Variants in ROBO1 observed in about 807,000 individuals in gnomAD.
The protein encoded by ROBO1 is roundabout guidance receptor 1.
A neutral mutation model predicts 195.9 loss-of-function variants in ROBO1; 149 were observed. That is an observed-to-expected ratio of 0.76 (90% confidence interval 0.67 to 0.87). The LOEUF is 0.87. ROBO1 is among the 40% of genes least tolerant of loss of function. ROBO1 has a pLI of 0.00. For synonymous variants in ROBO1, 816 were observed against 733.2 expected, an observed-to-expected ratio of 1.11 and a Z score of -1.82; for missense variants, 1,933 against 2,068.3, an observed-to-expected ratio of 0.93 and a Z score of 1.27.
chr3:79,008,134 T>G (rs1315324157), intron 3 of ROBO1, among the ~76,000 whole-genome samples: 1 of 152,188 alleles, frequency 6.6e-6, no homozygotes, highest in South Asian at 2.1e-4. Flanking sequence ...TTAAATCCCC[T>G]GACCCACCAG....
intron 4 of ROBO1, among the ~76,000 whole-genome samples, chr3:78,820,897 T>C (rs2030837397): frequency 6.6e-6 from 1 of 152,172 alleles, no homozygotes; most frequent in Non-Finnish European, 1.5e-5. Flanking sequence ...AAAAATTCCC[T>C]CTCTGACACA....
chr3:79,733,772 G>A (rs7627096), intron 1 of ROBO1, among the ~76,000 whole-genome samples: 83,321 of 151,884 alleles, frequency 0.55, 23,237 homozygotes, highest in South Asian at 0.69. Flanking sequence ...CACTGCTTTG[G>A]GTTGTCTGTT....
chr3:78,757,433 G>GCACA (rs34283910), intron 4 of ROBO1, among the ~76,000 whole-genome samples: 3,451 of 149,782 alleles, frequency 0.023, 93 homozygotes, highest in African/African-American at 0.062. Context: ...ATGCGCACAT[G>GCACA]CACACACACA....
chr3:79,652,546 C>G (rs1302072990), intron 1 of ROBO1, among the ~76,000 whole-genome samples: 1 of 152,060 alleles, frequency 6.6e-6, no homozygotes, highest in Non-Finnish European at 1.5e-5. Flanking sequence ...ACAGAAGAAT[C>G]TATCGCACAG....
At chr3:79,539,764 G>A (rs1320428715) in intron 2 of ROBO1, among the ~76,000 whole-genome samples, 1 of 152,010 alleles carries the variant, frequency 6.6e-6, no homozygotes, top group Admixed American at 6.6e-5. Flanking sequence ...AATTTTTCAT[G>A]CTTAAGAAGA....
chr3:78,752,047 G>A (rs1406896802), intron 4 of ROBO1, among the ~76,000 whole-genome samples: 1 of 151,946 alleles, frequency 6.6e-6, no homozygotes, highest in East Asian at 1.9e-4. Flanking sequence ...AAAAACTAAG[G>A]TGTATTGGAG....
At chr3:79,352,205 AG>A (rs2035369660) in intron 2 of ROBO1, among the ~76,000 whole-genome samples, 1 of 152,234 alleles carries the variant, frequency 6.6e-6, no homozygotes, top group Admixed American at 6.5e-5. Flanking sequence ...AAAGTCATGG[AG>A]GAAGGAATAA....
intron 2 of ROBO1, among the ~76,000 whole-genome samples, chr3:79,147,427 G>T (rs1016169019): frequency 6.6e-6 from 1 of 151,858 alleles, no homozygotes; most frequent in Non-Finnish European, 1.5e-5. Context: ...GATCAAAGAG[G>T]CCAAAAATGA....
At chr3:79,230,066 A>T (rs1021700624) in intron 2 of ROBO1, among the ~76,000 whole-genome samples, 2 of 152,124 alleles carry the variant, frequency 1.3e-5, no homozygotes, top group Non-Finnish European at 2.9e-5. Context: ...TGTTTACAGA[A>T]AGAATCCTCA....
At chr3:79,680,520 G>A (rs770991951) in intron 1 of ROBO1, among the ~76,000 whole-genome samples, 38 of 152,014 alleles carry the variant, frequency 2.5e-4, no homozygotes, top group African/African-American at 8.9e-4. Flanking sequence ...ACATGAACTA[G>A]AGAAGTGATT....
chr3:78,638,659 C>T (rs1705709614), intron 22 of ROBO1, among the ~76,000 whole-genome samples: 1 of 151,936 alleles, frequency 6.6e-6, no homozygotes, highest in South Asian at 2.1e-4. Flanking sequence ...TGCCTGAGCC[C>T]AGGAATTTGA....
At chr3:78,919,584 A>G (rs1408356055) in intron 4 of ROBO1, among the ~76,000 whole-genome samples, 1 of 152,196 alleles carries the variant, frequency 6.6e-6, no homozygotes, top group Non-Finnish European at 1.5e-5. Context: ...AAGATTACCT[A>G]TTCCATGTCA....
At chr3:78,985,214 C>T (rs577606449) in intron 3 of ROBO1, among the ~76,000 whole-genome samples, 2 of 152,062 alleles carry the variant, frequency 1.3e-5, no homozygotes, top group East Asian at 1.9e-4. Flanking sequence ...GTGGGAGGAT[C>T]GCTTGAGCCC....
chr3:78,856,002 T>C (rs1333978630), intron 4 of ROBO1, among the ~76,000 whole-genome samples: 1 of 151,946 alleles, frequency 6.6e-6, no homozygotes, highest in Non-Finnish European at 1.5e-5. Flanking sequence ...ACTCAAAATA[T>C]AGTCAATTCC....
chr3:79,568,723 A>G (rs1943173397), intron 2 of ROBO1, among the ~76,000 whole-genome samples: 1 of 152,008 alleles, frequency 6.6e-6, no homozygotes, highest in South Asian at 2.1e-4. Flanking sequence ...AAAAGCCTAG[A>G]TAGTACTTTA....
intron 2 of ROBO1, among the ~76,000 whole-genome samples, chr3:79,173,964 G>C (rs1478200552): frequency 1.3e-5 from 2 of 152,124 alleles, no homozygotes; most frequent in Non-Finnish European, 2.9e-5. Flanking sequence ...GTGGGGACTT[G>C]GAGAACCTTT....
At chr3:78,794,331 A>G (rs1389641070) in intron 4 of ROBO1, among the ~76,000 whole-genome samples, 1 of 152,224 alleles carries the variant, frequency 6.6e-6, no homozygotes, top group Non-Finnish European at 1.5e-5. Flanking sequence ...AAAATAGAAC[A>G]GAGCTCAATG....
At chr3:78,766,040 G>A (rs2083221224) in intron 4 of ROBO1, among the ~76,000 whole-genome samples, 2 of 152,048 alleles carry the variant, frequency 1.3e-5, no homozygotes, top group African/African-American at 4.8e-5. Flanking sequence ...AGCTCAAAGG[G>A]AAAAAAGTTA....
At chr3:79,052,901 G>A (rs567940576) in intron 3 of ROBO1, among the ~76,000 whole-genome samples, 3 of 152,072 alleles carry the variant, frequency 2.0e-5, no homozygotes, top group Admixed American at 2.0e-4. Context: ...GGTTAACTAT[G>A]GGTCACAAAG....
Sources: gnomAD v4.1 joint callset for allele counts (sites outside exome capture counted in the v4.1 genomes callset) on GRCh38, gnomAD v4.1.1 for gene constraint, MANE v1.5 for transcripts, NCBI Gene and HGNC (gene_info 2026-07-23, HGNC 2026-07-21) for gene names.